The following ACYP2 variants were observed in gnomAD, a reference collection of about 807,000 sequenced individuals.
The protein encoded by ACYP2 is acylphosphatase-2.
ACYP2 carries 12 observed loss-of-function variants against 11.2 expected under a neutral mutation model. The ratio of observed to expected loss-of-function variants is 1.08; its 90% CI spans 0.69 to 1.74. The LOEUF is 1.74. ACYP2 is among the 40% of genes most tolerant of loss of function. The probability of loss-of-function intolerance (pLI) is 0.00; values close to 1 mark genes in which losing one functional copy is unlikely to be tolerated. For missense variants in ACYP2, 134 were observed against 101.9 expected (o/e 1.31, Z -1.35); for synonymous variants, 43 against 32.2 (o/e 1.33, Z -1.13).
rs535699222 is a variant in ACYP2 at position 54,119,859 on chromosome 2, A to C, written c.278-15594A>C. Among the ~76,000 whole-genome samples, 5 of 152,226 alleles carry C rather than the reference A, an allele frequency of 3.3e-5. No individual in the cohort carries two copies. The East Asian group carries it at 9.6e-4, about 29-fold the overall frequency. ...ATACATTTAGCCCCCTTGCCTCCTC[A>C]GGCTCCTTGAGGCTGTGACATTCTG... is the stretch of plus-strand genomic sequence containing the variant. On this transcript the variant is annotated intron_variant, in intron 4 of 6. Coordinates refer to ENST00000607452, the MANE Select transcript of ACYP2 (RefSeq NM_001320586.2).
chr2:54,167,611 G>T (rs1281071693), intron 6 of ACYP2, among the ~76,000 whole-genome samples: 3 of 152,068 alleles, frequency 2.0e-5, no homozygotes, highest in East Asian at 3.8e-4. Context: ...TTTGAATATG[G>T]CCTGGGTATG....
At chr2:54,058,136 GA>G (rs1676255189) in intron 4 of ACYP2, among the ~76,000 whole-genome samples, 1 of 152,040 alleles carries the variant, frequency 6.6e-6, no homozygotes, top group African/African-American at 2.4e-5. Context: ...TTGGGTCTTT[GA>G]AGATAATTCA....
chr2:54,117,972 C>G (rs1234336675), intron 4 of ACYP2, among the ~76,000 whole-genome samples: 1 of 152,120 alleles, frequency 6.6e-6, no homozygotes, highest in African/African-American at 2.4e-5. Flanking sequence ...TTCTTTTATG[C>G]CTTTGCATCC....
intron 6 of ACYP2, among the ~76,000 whole-genome samples, chr2:54,185,906 T>A (rs1173480659): frequency 1.3e-5 from 2 of 151,928 alleles, no homozygotes; most frequent in Non-Finnish European, 2.9e-5. Flanking sequence ...TGCCAAGGAA[T>A]ACTATAAGCA....
At chr2:53,983,801 A>T (rs1671879873) in intron 2 of ACYP2, among the ~76,000 whole-genome samples, 1 of 152,186 alleles carries the variant, frequency 6.6e-6, no homozygotes, top group Admixed American at 6.6e-5. Flanking sequence ...TAATAAGCAT[A>T]TCCCCAGCAG....
At chr2:54,099,200 T>C (rs1198698977) in intron 4 of ACYP2, among the ~76,000 whole-genome samples, 1 of 152,234 alleles carries the variant, frequency 6.6e-6, no homozygotes, top group Admixed American at 6.5e-5. Flanking sequence ...TGTACAAATA[T>C]GTTTTGAAAT....
chr2:54,095,513 G>T (rs923549671), intron 4 of ACYP2, among the ~76,000 whole-genome samples: 1 of 150,598 alleles, frequency 6.6e-6, no homozygotes, highest in African/African-American at 2.4e-5. Context: ...TGGGCGGGGG[G>T]CTGACCCCCC....
intron 2 of ACYP2, among the ~76,000 whole-genome samples, chr2:54,014,289 G>A (rs895850879): frequency 1.3e-5 from 2 of 152,026 alleles, no homozygotes; most frequent in African/African-American, 2.4e-5. Flanking sequence ...TGGGGCTAGG[G>A]TCAGGATTAT....
At chr2:54,225,656 AG>A (rs966875269) in intron 6 of ACYP2, among the ~76,000 whole-genome samples, 23 of 152,264 alleles carry the variant, frequency 1.5e-4, no homozygotes, top group African/African-American at 5.3e-4. Flanking sequence ...TTGAATTGCT[AG>A]TGATCTTTAT....
chr2:54,178,767 GA>G (rs1319670067), intron 6 of ACYP2, among the ~76,000 whole-genome samples: 1 of 152,134 alleles, frequency 6.6e-6, no homozygotes, highest in Non-Finnish European at 1.5e-5. Context: ...CACCATAATT[GA>G]AAACACTAAG....
At chr2:54,145,271 A>G (rs1681831152) in intron 6 of ACYP2, among the ~76,000 whole-genome samples, 1 of 152,220 alleles carries the variant, frequency 6.6e-6, no homozygotes, top group South Asian at 2.1e-4. Context: ...GATAAATGAC[A>G]TGATATATTT....
chr2:54,009,016 G>A (rs1673217830), intron 2 of ACYP2, among the ~76,000 whole-genome samples: 2 of 151,412 alleles, frequency 1.3e-5, no homozygotes, highest in South Asian at 4.2e-4. Context: ...AGCCGGGAGT[G>A]GTGGCGGGCA....
chr2:54,053,782 G>T (rs759561659), intron 3 of ACYP2, among the ~76,000 whole-genome samples: 2 of 152,158 alleles, frequency 1.3e-5, no homozygotes, highest in Non-Finnish European at 2.9e-5. Flanking sequence ...TCTATCTTTA[G>T]AGTCACTCTC....
At chr2:54,171,170 G>A (rs2103849836) in intron 6 of ACYP2, among the ~76,000 whole-genome samples, 1 of 152,266 alleles carries the variant, frequency 6.6e-6, no homozygotes, top group East Asian at 1.9e-4. Context: ...AGGCTGGAGT[G>A]CGCAAGCCGG....
intron 6 of ACYP2, among the ~76,000 whole-genome samples, chr2:54,188,941 C>G (rs1229316348): frequency 6.6e-6 from 1 of 152,202 alleles, no homozygotes; most frequent in African/African-American, 2.4e-5. Context: ...CCTAGCCCAC[C>G]TGCCTACCCA....
chr2:54,003,342 C>G (rs988793622), intron 2 of ACYP2, among the ~76,000 whole-genome samples: 9 of 151,922 alleles, frequency 5.9e-5, no homozygotes, highest in African/African-American at 2.2e-4. Context: ...TCACCGCAAC[C>G]TCCGCCTCCC....
intron 6 of ACYP2, among the ~76,000 whole-genome samples, chr2:54,215,533 T>C (rs1275582149): frequency 2.6e-5 from 4 of 152,212 alleles, no homozygotes; most frequent in Non-Finnish European, 5.9e-5. Context: ...TCAGAAGATA[T>C]AGATTAAATC....
intron 2 of ACYP2, among the ~76,000 whole-genome samples, chr2:54,047,364 A>G (rs1167999961): frequency 2.0e-5 from 3 of 152,374 alleles, no homozygotes; most frequent in East Asian, 3.9e-4. Flanking sequence ...TAATGGAGAC[A>G]TTATTTTAGA....
At chr2:54,049,713 A>T (rs957996018) in intron 2 of ACYP2, among the ~76,000 whole-genome samples, 7 of 152,106 alleles carry the variant, frequency 4.6e-5, no homozygotes, top group African/African-American at 9.7e-5. Context: ...TATTTTTTTT[A>T]AAAAAGAGTA....
Sources: allele counts gnomAD v4.1 joint callset (sites outside exome capture counted in the v4.1 genomes callset), GRCh38; gene constraint gnomAD v4.1.1; transcripts MANE v1.5; gene names NCBI Gene and HGNC (gene_info 2026-07-23, HGNC 2026-07-21).